The following ZSWIM5 variants were observed in gnomAD, a reference collection of about 807,000 sequenced individuals.
ZSWIM5 encodes the protein zinc finger SWIM-type containing 5.
Under a neutral mutation model 119.6 loss-of-function variants are expected in ZSWIM5, and 55 were observed. That is an observed-to-expected ratio of 0.46 (90% confidence interval 0.37 to 0.58). ZSWIM5 has a LOEUF of 0.58. Ranked by LOEUF, ZSWIM5 falls within the 20% of genes least tolerant of loss-of-function variation. ZSWIM5 has a pLI of 0.00. For synonymous variants in ZSWIM5, 537 were observed against 606.9 expected (o/e 0.88, Z 1.69); for missense variants, 1,193 against 1,512.8 (o/e 0.79, Z 3.51).
intron 1 of ZSWIM5, among the ~76,000 whole-genome samples, chr1:45,125,682 G>A (rs575207130): frequency 2.3e-4 from 35 of 151,428 alleles, no homozygotes; most frequent in African/African-American, 8.3e-4. Context: ...GCTGAGGCAG[G>A]AGAATCTCTT....
At chr1:45,071,477 A>G (rs1328093275) in intron 2 of ZSWIM5, among the ~76,000 whole-genome samples, 53 of 6,532 alleles carry the variant, frequency 8.1e-3, no homozygotes, top group Non-Finnish European at 5.3e-3. Flanking sequence ...TTTTTTTGAG[A>G]TAGGGTCTCA....
chr1:45,125,902 C>A (rs1263473841), intron 1 of ZSWIM5, among the ~76,000 whole-genome samples: 1 of 150,502 alleles, frequency 6.6e-6, no homozygotes, highest in Non-Finnish European at 1.5e-5. Context: ...CTTATCTCTA[C>A]AAAAAAATTT....
chr1:45,018,885 G>C lies in ZSWIM5; in HGVS notation c.3127C>G (p.Leu1043Val), dbSNP rs778176836. The C allele has an allele frequency of 6.2e-7, 1 of 1,614,260 alleles. No individual in the cohort carries two copies. The highest frequency in any genetic ancestry group is 8.5e-7 in the Non-Finnish European group (1 of 1,180,038). ...GAGTGGCTGAGAGCACAAGCCCAGA[G>C]CACATCATTGATGGCTGGGTGAGTA... is the stretch of plus-strand genomic sequence containing the variant. ...QDTHPAINDV[L>V]WACALSHSLG... Residue 1043 changes from leucine to valine, a missense_variant, in exon 14 of 14, where the codon CTC (leucine) becomes GTC (valine). Physicochemically the swap from Leu to Val is conservative, Grantham distance 32. Coordinates refer to ENST00000359600, the MANE Select transcript of ZSWIM5 (RefSeq NM_020883.2). This position sits in a 1 kb window ranked among gnomAD's most constrained non-coding sequence, Gnocchi z 6.7.
chr1:45,029,941 T>C (rs1474354950), intron 11 of ZSWIM5, among the ~76,000 whole-genome samples: 5 of 152,148 alleles, frequency 3.3e-5, no homozygotes. Flanking sequence ...CTGGTTCATT[T>C]TTTTTCGACC....
At chr1:45,085,135 C>T (rs978718692) in intron 2 of ZSWIM5, among the ~76,000 whole-genome samples, 3 of 152,220 alleles carry the variant, frequency 2.0e-5, no homozygotes, top group Admixed American at 6.5e-5. Context: ...ATGTGGAAGC[C>T]GCCAAGGCTT....
chr1:45,061,516 A>T (rs1333299799), intron 2 of ZSWIM5, among the ~76,000 whole-genome samples: 1 of 151,890 alleles, frequency 6.6e-6, no homozygotes, highest in East Asian at 2.0e-4. Flanking sequence ...GATTTCAGGC[A>T]TGTGCCACCA....
Position 45,087,421 on chromosome 1 carries a change from A to G in ZSWIM5, c.952+460T>C, listed in dbSNP as rs376808919. Among the ~76,000 whole-genome samples the G allele has an allele frequency of 7.9e-5, 12 of 152,334 alleles. No individual in the cohort carries two copies. In the South Asian group the frequency reaches 2.5e-3, roughly 32 times the overall value. ...CTCTTTCTCCATTAATGCACCCCCA[A>G]TATATAGTTCATAAGCACAATGCTA... On this transcript the variant is annotated intron_variant, in intron 2 of 13. Coordinates refer to ENST00000359600, the MANE Select transcript of ZSWIM5 (RefSeq NM_020883.2).
chr1:45,141,962 T>C (rs1645730349), intron 1 of ZSWIM5, among the ~76,000 whole-genome samples: 1 of 152,146 alleles, frequency 6.6e-6, no homozygotes, highest in African/African-American at 2.4e-5. Flanking sequence ...CTTTGTCTTA[T>C]ATTACTATAT....
chr1:45,115,133 T>C (rs1348121400), intron 1 of ZSWIM5, among the ~76,000 whole-genome samples: 4 of 152,246 alleles, frequency 2.6e-5, no homozygotes, highest in Admixed American at 6.5e-5. Context: ...ATCGTCATCA[T>C]GGCCGGTTCC....
intron 5 of ZSWIM5, among the ~76,000 whole-genome samples, chr1:45,044,808 T>TATATAA (rs2148994987): frequency 1.0e-4 from 1 of 9,660 alleles, no homozygotes; most frequent in South Asian, 5.0e-3. Flanking sequence ...TATATAAATA[T>TATATAA]ATATATATAT....
intron 5 of ZSWIM5, among the ~76,000 whole-genome samples, chr1:45,046,977 C>CCA (rs1390162414): frequency 7.0e-6 from 1 of 142,066 alleles, no homozygotes; most frequent in African/African-American, 2.7e-5. Flanking sequence ...TGAGCCAAGA[C>CCA]CACACCAGTG....
At chr1:45,133,231 C>T (rs1645669214) in intron 1 of ZSWIM5, among the ~76,000 whole-genome samples, 1 of 152,230 alleles carries the variant, frequency 6.6e-6, no homozygotes, top group South Asian at 2.1e-4. Context: ...GTCCCACCAA[C>T]AGTGGAAAAG....
intron 1 of ZSWIM5, among the ~76,000 whole-genome samples, chr1:45,154,443 C>T (rs1313613954): frequency 6.6e-6 from 1 of 152,160 alleles, no homozygotes; most frequent in African/African-American, 2.4e-5. Context: ...AACCCAAATA[C>T]TTACAGCCAA....
chr1:45,054,590 A>G (rs990107670), intron 4 of ZSWIM5, among the ~76,000 whole-genome samples: 2 of 152,078 alleles, frequency 1.3e-5, no homozygotes, highest in East Asian at 3.9e-4. Context: ...TCAAAAAACA[A>G]CAACAAAAAA....
intron 10 of ZSWIM5, 34 bp downstream of exon 10, chr1:45,035,654 G>A (rs534379315): frequency 6.2e-7 from 1 of 1,607,634 alleles, no homozygotes; most frequent in Non-Finnish European, 8.5e-7. Context: ...TTCTGCTTTG[G>A]TGGAGGCAAT....
In ZSWIM5 at chr1:45,088,134, C is replaced by T; in HGVS notation, c.699G>A (p.Val233=). ...ISFDRCKITS[V]TCGCGNKDIF... is the part of the protein sequence containing the mutation. Reference sequence around the variant, plus strand: ...TGTCCTTGTTCCCACAGCCACATGTCACTGAGGTGATTTTGCATCGATCAA... The same window carrying T: ...TGTCCTTGTTCCCACAGCCACATGTTACTGAGGTGATTTTGCATCGATCAA... Residue 233 remains valine (V), a synonymous_variant, in exon 2 of 14, where the codon GTG becomes GTA. Coordinates refer to ENST00000359600, the MANE Select transcript of ZSWIM5 (RefSeq NM_020883.2). This position sits in a 1 kb window ranked among gnomAD's most constrained non-coding sequence, Gnocchi z 4.2. 6.2e-7 allele frequency: 1 copy of T among 1,614,176 alleles called. No homozygotes were observed. The highest frequency in any genetic ancestry group is 1.7e-5 in the Admixed American group (1 of 60,030).
chr1:45,205,593 C>T (rs1263428616), intron 1 of ZSWIM5, among the ~76,000 whole-genome samples, 163 bp downstream of exon 1: 2 of 152,104 alleles, frequency 1.3e-5, no homozygotes, highest in Non-Finnish European at 2.9e-5. Flanking sequence ...CAGTGGTGGA[C>T]CTGAGTGAAA....
chr1:45,099,278 A>C (rs1338359096), intron 1 of ZSWIM5, among the ~76,000 whole-genome samples: 4 of 152,120 alleles, frequency 2.6e-5, no homozygotes, highest in Non-Finnish European at 5.9e-5. Context: ...CACCTCTACA[A>C]AAATAAACTA....
At chr1:45,198,062 G>C (rs1010887120) in intron 1 of ZSWIM5, among the ~76,000 whole-genome samples, 1 of 152,206 alleles carries the variant, frequency 6.6e-6, no homozygotes, top group Admixed American at 6.5e-5. Context: ...CATCTTGTTT[G>C]TGCTCTAATC....
Sources: allele counts gnomAD v4.1 joint callset (sites outside exome capture counted in the v4.1 genomes callset), GRCh38; gene constraint gnomAD v4.1.1; non-coding constraint Gnocchi (gnomAD v3.1); transcripts MANE v1.5; gene names NCBI Gene and HGNC (gene_info 2026-07-23, HGNC 2026-07-21).